Variants in MARK2 observed in about 807,000 individuals in gnomAD.
The protein encoded by MARK2 is serine/threonine-protein kinase MARK2.
Under a neutral mutation model 89.8 loss-of-function variants are expected in MARK2, and 16 were observed. That is an observed-to-expected ratio of 0.18 (90% confidence interval 0.12 to 0.27). The LOEUF is 0.27. Ranked by LOEUF, MARK2 falls within the 10% of genes least tolerant of loss-of-function variation. MARK2 has a pLI of 1.00. For missense variants in MARK2, 621 were observed against 1,049.9 expected, an observed-to-expected ratio of 0.59 and a Z score of 5.65; for synonymous variants, 382 against 399.5, an observed-to-expected ratio of 0.96 and a Z score of 0.52.
chr11:63,855,227 T>C (rs779723215), intron 1 of MARK2, among the ~76,000 whole-genome samples: 6 of 152,126 alleles, frequency 3.9e-5, no homozygotes, highest in Non-Finnish European at 7.4e-5. Flanking sequence ...CCATTCAAAG[T>C]GCAGGACGAG....
At position 63,902,395 on chromosome 11, in the gene MARK2, G is replaced by A; in HGVS notation, c.1234+65G>A. 6.3e-7 allele frequency: 1 copy of A among 1,598,504 alleles called. No individual in the cohort carries two copies. Among genetic ancestry groups the A allele is most frequent in the South Asian group, 1.1e-5 (1 of 90,662 alleles). ...CTCCAGAGAGGTTACAGGTTCTGTG[G>A]GGACTTGGGTAACACAACTAAGTTT... On this transcript the variant is annotated intron_variant, in intron 12 of 18. Transcript: ENST00000402010. The surrounding 1 kb of genome is among the most constrained non-coding windows in gnomAD (Gnocchi z 4.2).
At position 63,903,833 on chromosome 11, in the gene MARK2, A is replaced by G. The variant is rs996175992; in HGVS notation, c.1515-153A>G. The stretch of plus-strand genomic sequence containing the variant: ...TCCACTTCTCAGCCCCGCATTCCTC[A>G]GTTCTGACTTGCATCCCGCTGCTGC... On this transcript the variant is annotated intron_variant, in intron 14 of 18. Coordinates refer to ENST00000402010, the MANE Select transcript of MARK2 (RefSeq NM_001039469.3). This position sits in a 1 kb window ranked among gnomAD's most constrained non-coding sequence, Gnocchi z 5.1. Among the ~76,000 whole-genome samples, 1 of 151,158 alleles carries G rather than the reference A, an allele frequency of 6.6e-6. No homozygotes were observed. The highest frequency in any genetic ancestry group is 2.4e-5 in the African/African-American group (1 of 41,000).
At chr11:63,854,186 C>CTCTG (rs1302476114) in intron 1 of MARK2, among the ~76,000 whole-genome samples, 1 of 141,560 alleles carries the variant, frequency 7.1e-6, no homozygotes, top group Non-Finnish European at 1.5e-5. Context: ...ACTATTAATT[C>CTCTG]TGTGTGTGTG....
At chr11:63,888,823 G>A (rs1350754358) in intron 1 of MARK2, 13 of 1,292,680 alleles carry the variant, frequency 1.0e-5, no homozygotes, top group Non-Finnish European at 1.3e-5. Flanking sequence ...GGCTGAGTAA[G>A]GGTGGCTGGC....
intron 6 of MARK2, 28 bp from the exon 7 acceptor site, chr11:63,899,024 T>C (rs748049037): frequency 5.7e-6 from 9 of 1,575,614 alleles, no homozygotes; most frequent in Non-Finnish European, 7.9e-6. Context: ...CAGGCACCCC[T>C]GGGTTAACCC....
chr11:63,863,431 G>A (rs984526062), intron 1 of MARK2, among the ~76,000 whole-genome samples: 16 of 151,364 alleles, frequency 1.1e-4, no homozygotes, highest in African/African-American at 3.6e-4. Flanking sequence ...GTAAAGGGGT[G>A]AACTATTGCC....
At chr11:63,894,008 G>A (rs980573764) in intron 1 of MARK2, among the ~76,000 whole-genome samples, 2 of 152,172 alleles carry the variant, frequency 1.3e-5, no homozygotes, top group African/African-American at 2.4e-5. Flanking sequence ...TATTCAACCC[G>A]TATTATGTTT....
chr11:63,909,318 C>T lies in MARK2; in HGVS notation c.*81C>T. On this transcript the variant is annotated 3_prime_UTR_variant, in exon 19 of 19. Coordinates refer to ENST00000402010, the MANE Select transcript of MARK2 (RefSeq NM_001039469.3). ...GCTGCGCCGCCCCACCTGGGCGAGA[C>T]TGCAGCGATGGATTGGTGTGTCTCC... is the stretch of plus-strand genomic sequence containing the variant. 1 of 1,396,494 alleles carries T rather than the reference C, an allele frequency of 7.2e-7. No individual in the cohort carries two copies. The highest frequency in any genetic ancestry group is 9.5e-7 in the Non-Finnish European group (1 of 1,050,424). The allele number at this position is 1,396,494 out of a possible 1,614,324, so 86.5% of individuals were successfully genotyped here.
intron 1 of MARK2, among the ~76,000 whole-genome samples, chr11:63,852,673 TAAA>T (rs550449276): frequency 3.9e-5 from 4 of 102,590 alleles, no homozygotes; most frequent in Admixed American, 9.8e-5. Context: ...AAATAAGAAC[TAAA>T]AAAAAAAAAA....
chr11:63,888,624 C>T (rs775348448), intron 1 of MARK2: 170 of 1,148,560 alleles, frequency 1.5e-4, no homozygotes, highest in Admixed American at 8.2e-5. Context: ...CACGCGCTTC[C>T]TGACCACCAG....
intron 1 of MARK2, chr11:63,888,658 G>A (rs1475154316): frequency 1.7e-6 from 2 of 1,170,492 alleles, no homozygotes; most frequent in Non-Finnish European, 1.1e-6. Context: ...AGAAGCCAGC[G>A]GGGCTTTGTC....
intron 1 of MARK2, among the ~76,000 whole-genome samples, chr11:63,849,335 C>T (rs939428579): frequency 6.6e-6 from 1 of 152,192 alleles, no homozygotes; most frequent in Non-Finnish European, 1.5e-5. Context: ...AAGTGGGGCT[C>T]CTTAGGCCAG....
intron 1 of MARK2, among the ~76,000 whole-genome samples, chr11:63,848,084 T>C (rs1419698950): frequency 1.3e-5 from 2 of 152,194 alleles, no homozygotes; most frequent in African/African-American, 4.8e-5. Flanking sequence ...GGTCACCATG[T>C]GTGCTGACAC....
intron 1 of MARK2, among the ~76,000 whole-genome samples, chr11:63,891,566 G>A (rs1939860729): frequency 6.6e-6 from 1 of 152,230 alleles, no homozygotes; most frequent in Admixed American, 6.5e-5. Context: ...CAAGTCTGCA[G>A]GTAGATGCTA....
intron 1 of MARK2, among the ~76,000 whole-genome samples, chr11:63,886,673 C>T (rs1015025623): frequency 1.3e-4 from 20 of 152,218 alleles, no homozygotes; most frequent in Non-Finnish European, 2.2e-4. Context: ...ATCCACCAGC[C>T]TCGGCCTCTC....
Position 63,848,434 on chromosome 11 carries a change from G to A in MARK2, c.54+8874G>A, listed in dbSNP as rs1035261294. On this transcript the variant is annotated intron_variant, in intron 1 of 18. Coordinates refer to ENST00000402010, the MANE Select transcript of MARK2 (RefSeq NM_001039469.3). The stretch of plus-strand genomic sequence containing the variant: ...GGAGTCTTGCTCTGTTGCCCAGGCT[G>A]GAGTACAGTGGCACAATCTCAGCTC... 1.1e-4 allele frequency among the ~76,000 whole-genome samples: 17 copies of A among 152,174 alleles called. 1 individual carries two copies. The highest frequency in any genetic ancestry group is 9.2e-4 in the Admixed American group (14 of 15,260).
intron 4 of MARK2, 44 bp downstream of exon 4, chr11:63,898,324 G>T: frequency 6.4e-7 from 1 of 1,568,066 alleles, no homozygotes; most frequent in African/African-American, 1.3e-5. Flanking sequence ...CAACAGCAAG[G>T]CACTGCTTTC....
At position 63,902,358 on chromosome 11, in the gene MARK2, G is replaced by A. The variant is rs780694851; in HGVS notation, c.1234+28G>A. 6 of 1,613,302 alleles carry A rather than the reference G, an allele frequency of 3.7e-6. No homozygotes were observed. The highest frequency in any genetic ancestry group is 5.1e-6 in the Non-Finnish European group (6 of 1,179,688). ...AAATGCTTTTGGGAGTTGTAGGTGGGGACTCACCCCTCTCCAGAGAGGTTA... is the reference window on the plus strand; with the variant it reads ...AAATGCTTTTGGGAGTTGTAGGTGGAGACTCACCCCTCTCCAGAGAGGTTA... On this transcript the variant is annotated intron_variant, in intron 12 of 18. Coordinates refer to ENST00000402010, the MANE Select transcript of MARK2 (RefSeq NM_001039469.3). The surrounding 1 kb of genome is among the most constrained non-coding windows in gnomAD (Gnocchi z 4.2).
In MARK2 at chr11:63,904,808, G is replaced by A. The variant is rs905450803; in HGVS notation, c.1699G>A (p.Val567Ile). ...CAGCACAGCCCCCCAGCGTGTCCCTGTTGCCTCCCCATCCGCCCACAACAT... is the reference window on the plus strand; with the variant it reads ...CAGCACAGCCCCCCAGCGTGTCCCTATTGCCTCCCCATCCGCCCACAACAT... ...RPSTAPQRVP[V>I]ASPSAHNISS... Residue 567 changes from valine (V) to isoleucine (I), a missense_variant, in exon 16 of 19, where the codon GTT (valine) becomes ATT (isoleucine). Val to Ile is a conservative substitution (Grantham distance 29). This residue lies in a region of MARK2 where 397 missense variants were observed against 567.8 expected (regional missense o/e 0.70). Coordinates refer to ENST00000402010, the MANE Select transcript of MARK2 (RefSeq NM_001039469.3). The surrounding 1 kb of genome is among the most constrained non-coding windows in gnomAD (Gnocchi z 6.3). The A allele has an allele frequency of 6.2e-7, 1 of 1,614,044 alleles. No individual in the cohort carries two copies. Among genetic ancestry groups the A allele is most frequent in the East Asian group, 2.2e-5 (1 of 44,868 alleles).
Sources: allele counts gnomAD v4.1 joint callset (sites outside exome capture counted in the v4.1 genomes callset), GRCh38; gene constraint gnomAD v4.1.1; regional missense constraint gnomAD v4.1.1; non-coding constraint Gnocchi (gnomAD v3.1); transcripts MANE v1.5; gene names NCBI Gene and HGNC (gene_info 2026-07-23, HGNC 2026-07-21).